The following CA10 variants were observed in gnomAD, a reference collection of about 807,000 sequenced individuals.
CA10 encodes carbonic anhydrase-related protein 10.
CA10 carries 14 observed loss-of-function variants against 44.2 expected under a neutral mutation model. The ratio of observed to expected loss-of-function variants is 0.32; its 90% CI spans 0.21 to 0.50. The LOEUF is 0.50. Ranked by LOEUF, CA10 falls within the 20% of genes least tolerant of loss-of-function variation. CA10 has a pLI of 0.99. For synonymous variants in CA10, 159 were observed against 141.6 expected, an observed-to-expected ratio of 1.12 and a Z score of -0.87; for missense variants, 350 against 409.7, an observed-to-expected ratio of 0.85 and a Z score of 1.26.
chr17:51,654,749 G>T (rs1336076618), intron 4 of CA10, among the ~76,000 whole-genome samples: 1 of 151,974 alleles, frequency 6.6e-6, no homozygotes, highest in Admixed American at 6.6e-5. Flanking sequence ...GTAGAGACGG[G>T]GTTTCACCAT....
intron 4 of CA10, among the ~76,000 whole-genome samples, chr17:51,740,532 G>A (rs934228922): frequency 2.6e-5 from 4 of 152,180 alleles, no homozygotes; most frequent in East Asian, 3.8e-4. Context: ...GAGAGCAACC[G>A]CCTTGAGGTT....
chr17:52,112,194 A>G (rs1393891538), intron 1 of CA10, among the ~76,000 whole-genome samples: 1 of 152,132 alleles, frequency 6.6e-6, no homozygotes, highest in Non-Finnish European at 1.5e-5. Flanking sequence ...AGAAAAAGAA[A>G]AAAAAAAAAC....
chr17:52,030,525 T>C (rs1392090791), intron 2 of CA10, among the ~76,000 whole-genome samples: 1 of 152,176 alleles, frequency 6.6e-6, no homozygotes, highest in Non-Finnish European at 1.5e-5. Flanking sequence ...GCTCTAAATA[T>C]GCAGTCCTTG....
In CA10 at chr17:51,744,368, T is replaced by C. The variant is rs576295945; in HGVS notation, c.465+3265A>G. On this transcript the variant is annotated intron_variant, in intron 4 of 8. Coordinates refer to ENST00000451037, the MANE Select transcript of CA10 (RefSeq NM_020178.5). ...TAGAATTTCAGCATCAGAAGATACATTAAAACTGACAGTTTCCCCTGCTCA... is the reference window on the plus strand; with the variant it reads ...TAGAATTTCAGCATCAGAAGATACACTAAAACTGACAGTTTCCCCTGCTCA... 7.2e-5 allele frequency among the ~76,000 whole-genome samples: 11 copies of C among 152,032 alleles called. No individual in the cohort carries two copies. In the East Asian group the frequency reaches 9.7e-4, roughly 13 times the overall value.
intron 3 of CA10, among the ~76,000 whole-genome samples, chr17:51,754,406 T>G (rs1319853741): frequency 2.2e-4 from 5 of 22,362 alleles, no homozygotes; most frequent in Non-Finnish European, 3.6e-4. Context: ...GTGTGATATA[T>G]ATATATATAT....
intron 2 of CA10, among the ~76,000 whole-genome samples, chr17:51,953,664 T>C (rs2144037520): frequency 6.6e-6 from 1 of 152,254 alleles, no homozygotes; most frequent in African/African-American, 2.4e-5. Flanking sequence ...ACTGTGTATA[T>C]TTATAGTGTA....
At chr17:51,937,349 C>A (rs754224208) in intron 2 of CA10, among the ~76,000 whole-genome samples, 1 of 152,102 alleles carries the variant, frequency 6.6e-6, no homozygotes, top group Non-Finnish European at 1.5e-5. Flanking sequence ...TATTAATGAG[C>A]AAGTTTAAAA....
At chr17:51,738,254 C>A (rs183426274) in intron 4 of CA10, among the ~76,000 whole-genome samples, 1 of 152,322 alleles carries the variant, frequency 6.6e-6, no homozygotes, top group East Asian at 1.9e-4. Context: ...TATGTCAGTG[C>A]AAATGGATCC....
intron 2 of CA10, among the ~76,000 whole-genome samples, chr17:52,005,686 G>T (rs1985573738): frequency 6.6e-6 from 1 of 151,910 alleles, no homozygotes; most frequent in South Asian, 2.1e-4. Flanking sequence ...CTGCTATGTT[G>T]ATGTAATGAT....
At chr17:51,972,848 C>T (rs1405516508) in intron 2 of CA10, among the ~76,000 whole-genome samples, 2 of 151,484 alleles carry the variant, frequency 1.3e-5, no homozygotes, top group African/African-American at 4.8e-5. Flanking sequence ...AACATGAAGG[C>T]CAGCTTATCA....
At chr17:51,735,261 A>G (rs1035038050) in intron 4 of CA10, among the ~76,000 whole-genome samples, 2 of 152,216 alleles carry the variant, frequency 1.3e-5, no homozygotes, top group African/African-American at 4.8e-5. Flanking sequence ...ATGCAGCTGG[A>G]GGCCATTATC....
chr17:51,723,066 G>C (rs1598009872), intron 4 of CA10, among the ~76,000 whole-genome samples: 1 of 152,224 alleles, frequency 6.6e-6, no homozygotes, highest in African/African-American at 2.4e-5. Flanking sequence ...GATTGGAAAA[G>C]TGTAATTAGA....
intron 3 of CA10, among the ~76,000 whole-genome samples, chr17:51,928,197 T>TA (rs377645054): frequency 2.6e-5 from 4 of 152,170 alleles, no homozygotes; most frequent in African/African-American, 7.2e-5. Context: ...CTTATGTAGA[T>TA]AGCCTGAAGG....
chr17:51,743,252 C>G (rs1325994382), intron 4 of CA10, among the ~76,000 whole-genome samples: 5 of 152,238 alleles, frequency 3.3e-5, no homozygotes, highest in African/African-American at 1.2e-4. Flanking sequence ...CCAGCCCCCA[C>G]TACTGCAATG....
At chr17:51,933,924 A>AG (rs1170838008) in intron 2 of CA10, among the ~76,000 whole-genome samples, 3 of 152,174 alleles carry the variant, frequency 2.0e-5, no homozygotes, top group African/African-American at 4.8e-5. Flanking sequence ...AAACACAAAC[A>AG]GGAAAAACTT....
At chr17:51,900,876 C>CT in intron 3 of CA10, among the ~76,000 whole-genome samples, 1 of 152,254 alleles carries the variant, frequency 6.6e-6, no homozygotes, top group South Asian at 2.1e-4. Context: ...TTGATTATTT[C>CT]TTAAAATATT....
chr17:51,950,483 C>A (rs1983440425), intron 2 of CA10, among the ~76,000 whole-genome samples: 1 of 152,128 alleles, frequency 6.6e-6, no homozygotes, highest in Non-Finnish European at 1.5e-5. Context: ...TTTATTCCAT[C>A]AGCAACCACC....
At chr17:52,048,134 C>T (rs573493353) in intron 2 of CA10, among the ~76,000 whole-genome samples, 1 of 151,670 alleles carries the variant, frequency 6.6e-6, no homozygotes, top group Admixed American at 6.6e-5. Flanking sequence ...GAAAAAATGT[C>T]TTGTTTAGAG....
intron 4 of CA10, among the ~76,000 whole-genome samples, chr17:51,657,077 A>G (rs564861797): frequency 6.6e-6 from 1 of 152,322 alleles, no homozygotes; most frequent in Non-Finnish European, 1.5e-5. Context: ...ATTTAATTTC[A>G]GATGATGGTT....
Sources: allele counts gnomAD v4.1 joint callset (sites outside exome capture counted in the v4.1 genomes callset), GRCh38; gene constraint gnomAD v4.1.1; transcripts MANE v1.5; gene names NCBI Gene and HGNC (gene_info 2026-07-23, HGNC 2026-07-21).